The following IMMP2L variants were observed in gnomAD, a reference collection of about 807,000 sequenced individuals.
IMMP2L encodes the protein mitochondrial inner membrane protease subunit 2.
IMMP2L carries 18 observed loss-of-function variants against 19.3 expected under a neutral mutation model. That is an observed-to-expected ratio of 0.93 (90% CI 0.64 to 1.38). The LOEUF is 1.38. Among genes scored for constraint, IMMP2L ranks in the 40% most tolerant of loss-of-function variants. The pLI, the probability that IMMP2L is intolerant of heterozygous loss-of-function variation, is 0.00. For missense variants in IMMP2L, 233 were observed against 218.2 expected (o/e 1.07, Z -0.43); for synonymous variants, 76 against 73.0 (o/e 1.04, Z -0.21).
intron 3 of IMMP2L, among the ~76,000 whole-genome samples, chr7:111,444,323 G>C (rs925912426): frequency 1.3e-5 from 2 of 152,104 alleles, no homozygotes; most frequent in African/African-American, 4.8e-5. Context: ...TAACAAGAAA[G>C]ATGGCACAGT....
intron 3 of IMMP2L, among the ~76,000 whole-genome samples, chr7:111,298,578 C>T (rs1233029469): frequency 6.6e-6 from 1 of 151,836 alleles, no homozygotes; most frequent in Non-Finnish European, 1.5e-5. Context: ...GGTGAAACCC[C>T]ATCTCTACTA....
At chr7:110,998,032 T>C (rs1823227161) in intron 3 of IMMP2L, among the ~76,000 whole-genome samples, 1 of 152,106 alleles carries the variant, frequency 6.6e-6, no homozygotes, top group South Asian at 2.1e-4. Flanking sequence ...GACTCTTTCC[T>C]TCCATAATGT....
intron 4 of IMMP2L, among the ~76,000 whole-genome samples, chr7:110,916,908 A>T (rs1813672531): frequency 6.6e-6 from 1 of 152,150 alleles, no homozygotes. Flanking sequence ...CACAAAAAAG[A>T]TGTTTGCAGT....
At chr7:110,843,323 T>G (rs1805299186) in intron 5 of IMMP2L, among the ~76,000 whole-genome samples, 1 of 152,126 alleles carries the variant, frequency 6.6e-6, no homozygotes, top group South Asian at 2.1e-4. Flanking sequence ...ATACTCCAAT[T>G]TATTACTGAT....
intron 3 of IMMP2L, among the ~76,000 whole-genome samples, chr7:111,149,737 T>C (rs903405700): frequency 1.3e-5 from 2 of 152,152 alleles, no homozygotes; most frequent in African/African-American, 4.8e-5. Context: ...TTTATTTAAA[T>C]AAGTATATGT....
At chr7:111,331,300 T>A (rs144351126) in intron 3 of IMMP2L, among the ~76,000 whole-genome samples, 1 of 151,912 alleles carries the variant, frequency 6.6e-6, no homozygotes, top group African/African-American at 2.4e-5. Context: ...TGGAGAACAT[T>A]ATGCTAAGTG....
chr7:110,858,759 C>G (rs1305318357), intron 5 of IMMP2L, among the ~76,000 whole-genome samples: 1 of 151,922 alleles, frequency 6.6e-6, no homozygotes, highest in African/African-American at 2.4e-5. Flanking sequence ...CCTCCTCCCC[C>G]GACCCCACAA....
At chr7:111,056,208 C>T (rs1793495534) in intron 3 of IMMP2L, among the ~76,000 whole-genome samples, 1 of 152,028 alleles carries the variant, frequency 6.6e-6, no homozygotes, top group African/African-American at 2.4e-5. Context: ...AAGCAAATAA[C>T]ACAAATGCAG....
chr7:110,687,911 A>G (rs1793231900), intron 5 of IMMP2L, among the ~76,000 whole-genome samples: 2 of 151,788 alleles, frequency 1.3e-5, no homozygotes, highest in Non-Finnish European at 2.9e-5. Context: ...GCTTTGTCCA[A>G]TTCTGGGCAT....
At chr7:111,159,055 A>G (rs1040240649) in intron 3 of IMMP2L, among the ~76,000 whole-genome samples, 2 of 152,182 alleles carry the variant, frequency 1.3e-5, no homozygotes, top group African/African-American at 2.4e-5. Flanking sequence ...TTTGAAATTT[A>G]AAATGTTTCT....
intron 3 of IMMP2L, among the ~76,000 whole-genome samples, chr7:111,443,699 A>T (rs1481320452): frequency 6.6e-6 from 1 of 152,188 alleles, no homozygotes; most frequent in Non-Finnish European, 1.5e-5. Context: ...TTATTAAAAT[A>T]TCGGAAACTA....
chr7:111,463,230 C>T (rs1840302696), intron 3 of IMMP2L, among the ~76,000 whole-genome samples: 1 of 151,886 alleles, frequency 6.6e-6, no homozygotes, highest in Non-Finnish European at 1.5e-5. Flanking sequence ...AGATACCATT[C>T]ATATTGGATT....
intron 3 of IMMP2L, among the ~76,000 whole-genome samples, chr7:111,344,927 C>A (rs191777631): frequency 6.6e-6 from 1 of 152,114 alleles, no homozygotes; most frequent in Non-Finnish European, 1.5e-5. Context: ...CAGGAAGAGG[C>A]CACAGTGATA....
intron 1 of IMMP2L, among the ~76,000 whole-genome samples, chr7:111,554,442 C>T (rs1428607219): frequency 6.6e-6 from 1 of 152,008 alleles, no homozygotes; most frequent in African/African-American, 2.4e-5. Context: ...ATATTTTATT[C>T]CCCTAATCTT....
intron 3 of IMMP2L, among the ~76,000 whole-genome samples, chr7:111,014,135 A>G (rs2129564227): frequency 6.6e-6 from 1 of 152,196 alleles, no homozygotes; most frequent in South Asian, 2.1e-4. Context: ...AGGCCGAGGG[A>G]GGCAGATCAC....
At chr7:111,284,891 A>C (rs1820321765) in intron 3 of IMMP2L, among the ~76,000 whole-genome samples, 1 of 152,208 alleles carries the variant, frequency 6.6e-6, no homozygotes. Flanking sequence ...AAAGTAGAAC[A>C]AAATGCAGAT....
intron 3 of IMMP2L, among the ~76,000 whole-genome samples, chr7:111,355,037 G>A (rs1162203296): frequency 6.6e-6 from 1 of 151,732 alleles, no homozygotes; most frequent in South Asian, 2.1e-4. Flanking sequence ...CTGGGGAAAC[G>A]TACTAATGAA....
chr7:111,135,890 G>GGT (rs1170976581), intron 3 of IMMP2L, among the ~76,000 whole-genome samples: 2 of 151,998 alleles, frequency 1.3e-5, no homozygotes, highest in African/African-American at 4.8e-5. Context: ...TATCATCAAA[G>GGT]ACCTCTTATC....
chr7:111,110,475 C>A (rs1799073321), intron 3 of IMMP2L, among the ~76,000 whole-genome samples: 1 of 152,068 alleles, frequency 6.6e-6, no homozygotes, highest in South Asian at 2.1e-4. Context: ...ATCTTACTAA[C>A]CAGTGTCATG....
Sources: allele counts gnomAD v4.1 joint callset (sites outside exome capture counted in the v4.1 genomes callset), GRCh38; gene constraint gnomAD v4.1.1; transcripts MANE v1.5; gene names NCBI Gene and HGNC (gene_info 2026-07-23, HGNC 2026-07-21).